Variants in UBE2D1 observed in about 807,000 individuals in gnomAD.
UBE2D1 encodes ubiquitin conjugating enzyme E2 D1.
Under a neutral mutation model 24.6 loss-of-function variants are expected in UBE2D1, and 9 were observed. The ratio of observed to expected loss-of-function variants is 0.37; its 90% CI spans 0.22 to 0.64. The LOEUF is 0.64. UBE2D1 is among the 30% of genes least tolerant of loss of function. The pLI is 0.64. For missense variants in UBE2D1, 87 were observed against 177.1 expected (o/e 0.49, Z 2.89); for synonymous variants, 57 against 57.6 (o/e 0.99, Z 0.04).
intron 6 of UBE2D1, 56 bp from the exon 7 acceptor site, chr10:58,368,664 G>A: frequency 7.9e-7 from 1 of 1,266,452 alleles, no homozygotes; most frequent in Non-Finnish European, 1.1e-6. Flanking sequence ...TTAGACAGAT[G>A]CTTCTGAAAT....
intron 1 of UBE2D1, among the ~76,000 whole-genome samples, chr10:58,342,834 GTT>G (rs775705117): frequency 7.9e-6 from 1 of 126,758 alleles, no homozygotes; most frequent in Non-Finnish European, 1.7e-5. Context: ...TTTTTTTTTT[GTT>G]TTTTTTTTTT....
Position 58,335,152 on chromosome 10 carries a change from C to G in UBE2D1, c.-50C>G. On this transcript the variant is annotated 5_prime_UTR_variant, in exon 1 of 7. Transcript: ENST00000373910. ...ACCCGCGACGACCCACGCCCCTGAG[C>G]CCCGCAGCCGACCCCTGCCGGCCGG... is the stretch of plus-strand genomic sequence containing the variant. 6.5e-7 allele frequency: 1 copy of G among 1,532,262 alleles called. No homozygotes were observed. Among genetic ancestry groups the G allele is most frequent in the Non-Finnish European group, 8.8e-7 (1 of 1,142,046 alleles). 94.9% of individuals were successfully genotyped at this position (1,532,262 alleles called of 1,614,324 possible). A position where few individuals can be genotyped will look rare whatever the true frequency, so the allele number is the denominator to read the frequency against.
At chr10:58,366,984 T>TA (rs1840262759) in intron 5 of UBE2D1, among the ~76,000 whole-genome samples, 1 of 152,312 alleles carries the variant, frequency 6.6e-6, no homozygotes, top group Admixed American at 6.5e-5. Context: ...CCTGTTGGTT[T>TA]AATATACAAG....
At chr10:58,363,473 A>G in intron 3 of UBE2D1, 136 bp from the exon 4 acceptor site, 1 of 572,546 alleles carries the variant, frequency 1.7e-6, no homozygotes, top group Non-Finnish European at 2.9e-6. Flanking sequence ...CATTTTTTTC[A>G]TATTGGTAAT....
At position 58,360,900 on chromosome 10, in the gene UBE2D1, C is replaced by T. The variant is rs115390613; in HGVS notation, c.25-438C>T. On this transcript the variant is annotated intron_variant, in intron 1 of 6. Transcript: ENST00000373910. The stretch of plus-strand genomic sequence containing the variant: ...TCGTGCCACTGCACTCCATCCTGGG[C>T]GACAAAGTGAGATCCTGTCTCAAAA... 431 of 438,720 alleles carry T rather than the reference C, an allele frequency of 9.8e-4. 3 individuals carry two copies. Among genetic ancestry groups the T allele is most frequent in the African/African-American group, 8.0e-3 (387 of 48,256 alleles). The allele number at this position is 438,720 out of a possible 1,614,324, so 27.2% of individuals were successfully genotyped here. A position where few individuals can be genotyped will look rare whatever the true frequency, so the allele number is the denominator to read the frequency against.
At chr10:58,349,168 C>G (rs373374043) in intron 1 of UBE2D1, among the ~76,000 whole-genome samples, 1 of 152,102 alleles carries the variant, frequency 6.6e-6, no homozygotes. Context: ...TAGTTCTAGT[C>G]ATGATATAAA....
At chr10:58,348,311 C>T (rs1047733960) in intron 1 of UBE2D1, among the ~76,000 whole-genome samples, 5 of 152,192 alleles carry the variant, frequency 3.3e-5, no homozygotes, top group African/African-American at 1.2e-4. Context: ...TAGCTCTAGT[C>T]AACTGGATAA....
intron 5 of UBE2D1, among the ~76,000 whole-genome samples, chr10:58,366,656 C>T (rs1840258732): frequency 6.6e-6 from 1 of 152,114 alleles, no homozygotes; most frequent in Non-Finnish European, 1.5e-5. Context: ...GTTGCCCAGG[C>T]TGGTCTCAAA....
At chr10:58,363,387 T>C (rs1284679065) in intron 3 of UBE2D1, among the ~76,000 whole-genome samples, 1 of 152,164 alleles carries the variant, frequency 6.6e-6, no homozygotes, top group Non-Finnish European at 1.5e-5. Flanking sequence ...GGCATAGTTG[T>C]TGGAAAATCC....
intron 1 of UBE2D1, among the ~76,000 whole-genome samples, chr10:58,350,399 T>C (rs1234558289): frequency 6.6e-6 from 1 of 152,016 alleles, no homozygotes; most frequent in African/African-American, 2.4e-5. Context: ...TATATATGTG[T>C]ATTGGCCATT....
intron 1 of UBE2D1, among the ~76,000 whole-genome samples, chr10:58,357,746 A>C (rs568117615): frequency 6.6e-6 from 1 of 152,300 alleles, no homozygotes; most frequent in African/African-American, 2.4e-5. Context: ...AAGGGATAGA[A>C]CATTAGGAAT....
chr10:58,348,580 C>A (rs1017142726), intron 1 of UBE2D1, among the ~76,000 whole-genome samples: 2 of 152,194 alleles, frequency 1.3e-5, no homozygotes, highest in Non-Finnish European at 2.9e-5. Context: ...CTTGCATGGA[C>A]TGTTTAATGT....
At chr10:58,367,886 G>C in intron 5 of UBE2D1, 37 bp from the exon 6 acceptor site, 1 of 1,367,140 alleles carries the variant, frequency 7.3e-7, no homozygotes, top group South Asian at 1.2e-5. Context: ...GAAGTAGAAG[G>C]GTTATTGTCT....
chr10:58,362,328 T>C (rs537165014), intron 3 of UBE2D1, among the ~76,000 whole-genome samples: 134 of 152,324 alleles, frequency 8.8e-4, no homozygotes, highest in African/African-American at 3.2e-3. Flanking sequence ...TCATACGACC[T>C]TGTGTTTAAC....
intron 1 of UBE2D1, among the ~76,000 whole-genome samples, chr10:58,343,381 T>C (rs7069613): frequency 0.15 from 23,321 of 151,990 alleles, 3,531 homozygotes; most frequent in African/African-American, 0.38. Context: ...TTTCATGAAA[T>C]TTGTTTTAGT....
At chr10:58,359,552 T>A (rs1840171837) in intron 1 of UBE2D1, among the ~76,000 whole-genome samples, 1 of 152,236 alleles carries the variant, frequency 6.6e-6, no homozygotes, top group Admixed American at 6.5e-5. Flanking sequence ...AGATTCAACA[T>A]ATCTACTCTC....
chr10:58,338,785 A>G (rs1190094397), intron 1 of UBE2D1, among the ~76,000 whole-genome samples: 1 of 151,790 alleles, frequency 6.6e-6, no homozygotes, highest in African/African-American at 2.4e-5. Context: ...ATGTGATGTG[A>G]TAAGTTTATT....
At chr10:58,342,281 T>C (rs1415215284) in intron 1 of UBE2D1, among the ~76,000 whole-genome samples, 3 of 152,300 alleles carry the variant, frequency 2.0e-5, no homozygotes, top group African/African-American at 7.2e-5. Context: ...CCTCTATTCA[T>C]ATGGTCCCGT....
chr10:58,366,774 GC>G (rs1840259627), intron 5 of UBE2D1, among the ~76,000 whole-genome samples: 2 of 150,294 alleles, frequency 1.3e-5, no homozygotes, highest in African/African-American at 4.9e-5. Context: ...TTTTTGAGAT[GC>G]AGTTGCTGTG....
Sources: allele counts gnomAD v4.1 joint callset (sites outside exome capture counted in the v4.1 genomes callset), GRCh38; gene constraint gnomAD v4.1.1; transcripts MANE v1.5; gene names NCBI Gene and HGNC (gene_info 2026-07-23, HGNC 2026-07-21).